Variants in UGGT2 observed in about 807,000 individuals in gnomAD.
UGGT2 encodes UDP-glucose glycoprotein glucosyltransferase 2, also known as UDP-glucose:glycoprotein glucosyltransferase 2.
UGGT2 carries 180 observed loss-of-function variants against 192.1 expected under a neutral mutation model. The ratio of observed to expected loss-of-function variants is 0.94; its 90% confidence interval spans 0.83 to 1.06. UGGT2 has a LOEUF of 1.06. UGGT2 is among the 50% of genes least tolerant of loss of function. The probability of loss-of-function intolerance (pLI) is 0.00; values close to 1 mark genes in which losing one functional copy is unlikely to be tolerated. For missense variants in UGGT2, 1,849 were observed against 1,795.7 expected (o/e 1.03, Z -0.54); for synonymous variants, 580 against 591.0 (o/e 0.98, Z 0.27).
At chr13:96,007,087 T>A (rs1399827512) in intron 5 of UGGT2, among the ~76,000 whole-genome samples, 4 of 152,136 alleles carry the variant, frequency 2.6e-5, no homozygotes, top group East Asian at 1.9e-4. Context: ...CTTAAAAAGA[T>A]CATGCACCAT....
rs189552947 is a variant in UGGT2 at position 95,925,576 on chromosome 13, G to T, written c.2295+104C>A. On this transcript the variant is annotated intron_variant, in intron 20 of 38. Coordinates refer to ENST00000376747, the MANE Select transcript of UGGT2 (RefSeq NM_020121.4). Reference sequence around the variant, plus strand: ...TCTGAATTCCTTCGTCTACTTAACTGAAACATTAACATGGAGGGGAAAATA... The same window carrying T: ...TCTGAATTCCTTCGTCTACTTAACTTAAACATTAACATGGAGGGGAAAATA... 1,690 of 812,586 alleles carry T rather than the reference G, an allele frequency of 2.1e-3. 6 individuals are homozygous for T. Among genetic ancestry groups the T allele is most frequent in the Non-Finnish European group, 2.2e-3 (1,230 of 563,274 alleles). The allele number at this position is 812,586 out of a possible 1,614,324, so 50.3% of individuals were successfully genotyped here.
chr13:95,885,971 G>C (rs1284264349), intron 26 of UGGT2, among the ~76,000 whole-genome samples: 2 of 152,112 alleles, frequency 1.3e-5, no homozygotes, highest in East Asian at 1.9e-4. Flanking sequence ...CTAGAGGAGA[G>C]AAAGTTAAGG....
chr13:95,908,479 C>CAG (rs55733759), intron 20 of UGGT2, among the ~76,000 whole-genome samples: 1 of 152,008 alleles, frequency 6.6e-6, no homozygotes, highest in Non-Finnish European at 1.5e-5. Flanking sequence ...GAAGGAAAAA[C>CAG]TGTTAAGGGC....
At chr13:95,857,359 TAC>T (rs1341511103) in intron 33 of UGGT2, among the ~76,000 whole-genome samples, 1 of 152,052 alleles carries the variant, frequency 6.6e-6, no homozygotes, top group African/African-American at 2.4e-5. Context: ...ACAAAAGAAA[TAC>T]AAATTATGAC....
rs1300883681 is a variant in UGGT2 at position 95,809,466 on chromosome 13, G to A, written c.4529-7654C>T. 1.9e-5 allele frequency: 7 copies of A among 366,246 alleles called. No homozygotes were observed. The East Asian group carries it at 5.3e-4, about 28-fold the overall frequency. The allele number at this position is 366,246 out of a possible 1,614,324, so 22.7% of individuals were successfully genotyped here. A position where few individuals can be genotyped will look rare whatever the true frequency, so the allele number is the denominator to read the frequency against. On this transcript the variant is annotated intron_variant, in intron 38 of 38. Coordinates refer to ENST00000376747, the MANE Select transcript of UGGT2 (RefSeq NM_020121.4). ...CCTTTCCCTTTTGTTTGCACGTTCT[G>A]TCTGGAGATTTACCCTTTTCTGCTG...
intron 12 of UGGT2, among the ~76,000 whole-genome samples, chr13:95,952,027 C>T (rs1239085685): frequency 1.3e-5 from 2 of 151,018 alleles, no homozygotes; most frequent in African/African-American, 4.9e-5. Flanking sequence ...CACTGCACTC[C>T]AGCCTGGGCA....
chr13:95,911,218 C>T (rs191165422), intron 20 of UGGT2, among the ~76,000 whole-genome samples: 29 of 151,820 alleles, frequency 1.9e-4, no homozygotes, highest in Non-Finnish European at 5.9e-5. Flanking sequence ...GCTAGCAGAA[C>T]GCAAGAAATA....
chr13:95,837,735 T>C (rs1400008122), intron 36 of UGGT2, among the ~76,000 whole-genome samples: 1 of 152,190 alleles, frequency 6.6e-6, no homozygotes, highest in Non-Finnish European at 1.5e-5. Context: ...TTGGAGAGAA[T>C]CAGACAAATC....
At chr13:95,833,593 A>C (rs933775737) in intron 37 of UGGT2, among the ~76,000 whole-genome samples, 8 of 152,230 alleles carry the variant, frequency 5.3e-5, no homozygotes, top group African/African-American at 1.9e-4. Flanking sequence ...TAAACTATTG[A>C]GTACTACTAT....
chr13:95,810,641 T>C (rs903497196), intron 38 of UGGT2, among the ~76,000 whole-genome samples: 2 of 152,194 alleles, frequency 1.3e-5, no homozygotes, highest in African/African-American at 4.8e-5. Context: ...ATTTTTCCAA[T>C]ATGTTTGTTG....
chr13:95,854,859 TA>T (rs1043769057), intron 34 of UGGT2, among the ~76,000 whole-genome samples: 1 of 152,116 alleles, frequency 6.6e-6, no homozygotes, highest in Admixed American at 6.6e-5. Context: ...TCCATTATTG[TA>T]TATTGGCAAA....
chr13:95,822,970 G>A (rs1336114841), intron 38 of UGGT2, among the ~76,000 whole-genome samples: 2 of 151,976 alleles, frequency 1.3e-5, no homozygotes, highest in Non-Finnish European at 2.9e-5. Flanking sequence ...TATTCCAGAG[G>A]TTTTGATAAC....
At chr13:95,958,478 G>C (rs2050282359) in intron 12 of UGGT2, among the ~76,000 whole-genome samples, 1 of 152,078 alleles carries the variant, frequency 6.6e-6, no homozygotes. Context: ...GAGCAGGAAG[G>C]TTTTTCAAGT....
intron 38 of UGGT2, among the ~76,000 whole-genome samples, chr13:95,818,180 G>A (rs540528951): frequency 6.6e-6 from 1 of 152,254 alleles, no homozygotes; most frequent in Admixed American, 6.5e-5. Context: ...GGGAGCAATG[G>A]TGCACGCCTG....
chr13:95,803,200 TGA>T (rs763377410), intron 38 of UGGT2, among the ~76,000 whole-genome samples: 4 of 152,140 alleles, frequency 2.6e-5, no homozygotes, highest in East Asian at 3.9e-4. Flanking sequence ...TGAACAATTT[TGA>T]GAGAGACAAA....
At chr13:95,921,767 G>C (rs1156558348) in intron 20 of UGGT2, among the ~76,000 whole-genome samples, 2 of 152,010 alleles carry the variant, frequency 1.3e-5, no homozygotes, top group Non-Finnish European at 2.9e-5. Context: ...TTATTAAAAA[G>C]TCAAAAAAAT....
chr13:96,029,720 G>A (rs556805070), intron 2 of UGGT2, among the ~76,000 whole-genome samples: 1 of 152,246 alleles, frequency 6.6e-6, no homozygotes, highest in East Asian at 1.9e-4. Flanking sequence ...CCACCAGATT[G>A]TCCAGGTATA....
intron 4 of UGGT2, among the ~76,000 whole-genome samples, chr13:96,016,312 G>A (rs866974576): frequency 3.3e-5 from 5 of 152,198 alleles, no homozygotes; most frequent in Non-Finnish European, 5.9e-5. Flanking sequence ...GACTAAAAGG[G>A]AGCCAGGAGC....
At chr13:95,958,136 T>G (rs1392978828) in intron 12 of UGGT2, among the ~76,000 whole-genome samples, 1 of 152,108 alleles carries the variant, frequency 6.6e-6, no homozygotes, top group African/African-American at 2.4e-5. Context: ...CTATAGTCCT[T>G]TGGCTCTGAG....
Sources: allele counts gnomAD v4.1 joint callset (sites outside exome capture counted in the v4.1 genomes callset), GRCh38; gene constraint gnomAD v4.1.1; transcripts MANE v1.5; gene names NCBI Gene and HGNC (gene_info 2026-07-23, HGNC 2026-07-21).